The following LIN52 variants were observed in gnomAD, a reference collection of about 807,000 sequenced individuals.
The protein encoded by LIN52 is protein lin-52 homolog.
Under a neutral mutation model 18.5 loss-of-function variants are expected in LIN52, and 4 were observed. The ratio of observed to expected loss-of-function variants is 0.22; its 90% confidence interval spans 0.11 to 0.49. The LOEUF (loss-of-function observed/expected upper bound fraction) is 0.49. Among genes scored for constraint, LIN52 ranks in the 20% least tolerant of loss-of-function variants. The pLI is 0.97. For synonymous variants in LIN52, 34 were observed against 45.5 expected (o/e 0.75, Z 1.02); for missense variants, 102 against 139.5 (o/e 0.73, Z 1.35).
At chr14:74,133,924 AC>A in intron 5 of LIN52, among the ~76,000 whole-genome samples, 1 of 152,222 alleles carries the variant, frequency 6.6e-6, no homozygotes, top group African/African-American at 2.4e-5. Flanking sequence ...ATCAGCATTT[AC>A]ACATGACCCA....
intron 5 of LIN52, among the ~76,000 whole-genome samples, chr14:74,116,476 T>C (rs1451857211): frequency 6.6e-6 from 1 of 151,928 alleles, no homozygotes; most frequent in Non-Finnish European, 1.5e-5. Flanking sequence ...GAGGCTGAGG[T>C]AGGCGGATCA....
intron 5 of LIN52, among the ~76,000 whole-genome samples, chr14:74,138,134 A>AC (rs776591484): frequency 2.6e-5 from 4 of 152,198 alleles, no homozygotes; most frequent in Non-Finnish European, 5.9e-5. Flanking sequence ...ACTTGGCCTT[A>AC]CAGCTCTGCC....
chr14:74,095,564 C>G (rs1325993912), intron 2 of LIN52, among the ~76,000 whole-genome samples: 1 of 152,132 alleles, frequency 6.6e-6, no homozygotes, highest in Admixed American at 6.6e-5. Context: ...TAATGTGATT[C>G]TTTCTGTGAG....
chr14:74,087,251 T>TA (rs539710136), intron 1 of LIN52, among the ~76,000 whole-genome samples: 11 of 150,402 alleles, frequency 7.3e-5, no homozygotes, highest in Non-Finnish European at 1.3e-4. Flanking sequence ...CTGTCTCTAC[T>TA]AAAAAATACA....
intron 1 of LIN52, chr14:74,085,693 C>T (rs1340978688): frequency 6.9e-6 from 1 of 144,948 alleles, no homozygotes; most frequent in Admixed American, 6.8e-5. Flanking sequence ...AAATGCAAGT[C>T]ATTTCAAGTA....
chr14:74,163,806 A>C (rs942947158), intron 5 of LIN52, among the ~76,000 whole-genome samples: 1 of 152,204 alleles, frequency 6.6e-6, no homozygotes, highest in Admixed American at 6.5e-5. Flanking sequence ...TTGGTGGTAC[A>C]GGTGAAGGAG....
chr14:74,088,380 C>T (rs2060749646), intron 1 of LIN52, among the ~76,000 whole-genome samples: 1 of 152,106 alleles, frequency 6.6e-6, no homozygotes, highest in Non-Finnish European at 1.5e-5. Context: ...CGTGAGCCAC[C>T]ATGCCCCCAC....
chr14:74,191,670 G>A (rs2078877284), intron 5 of LIN52, among the ~76,000 whole-genome samples: 1 of 140,338 alleles, frequency 7.1e-6, no homozygotes, highest in Non-Finnish European at 1.5e-5. Flanking sequence ...GCCTTGCTCT[G>A]TCGTCCAGGC....
chr14:74,142,711 T>C (rs2061136726), intron 5 of LIN52, among the ~76,000 whole-genome samples: 1 of 151,524 alleles, frequency 6.6e-6, no homozygotes, highest in African/African-American at 2.4e-5. Context: ...TTGTATTCTC[T>C]GAGCTAAGAA....
intron 5 of LIN52, among the ~76,000 whole-genome samples, chr14:74,119,520 G>T (rs976699717): frequency 6.6e-6 from 1 of 151,984 alleles, no homozygotes; most frequent in African/African-American, 2.4e-5. Flanking sequence ...AGATCATAGG[G>T]GTATATGTAT....
chr14:74,149,022 A>G (rs2061165081), intron 5 of LIN52, among the ~76,000 whole-genome samples: 1 of 152,178 alleles, frequency 6.6e-6, no homozygotes, highest in Non-Finnish European at 1.5e-5. Context: ...TTAATTTTTA[A>G]AATATTTTGG....
In LIN52 at chr14:74,096,931, G is replaced by C. The variant is rs1216029936; in HGVS notation, c.133-863G>C. ...ACTAGCATTAAACTGCCAACCCAGA[G>C]CTATTCTAAGAATGGGCTTTCTTTC... On this transcript the variant is annotated intron_variant, in intron 3 of 5. Transcript: ENST00000555028. Among the ~76,000 whole-genome samples, 3 of 152,134 alleles carry C rather than the reference G, an allele frequency of 2.0e-5. No homozygotes were observed. The East Asian group carries it at 5.8e-4, about 29-fold the overall frequency.
intron 5 of LIN52, among the ~76,000 whole-genome samples, chr14:74,178,355 A>G (rs543789122): frequency 1.3e-5 from 2 of 152,246 alleles, no homozygotes; most frequent in East Asian, 3.9e-4. Context: ...TCTTTTGGCC[A>G]TTGACTCAAT....
intron 5 of LIN52, among the ~76,000 whole-genome samples, chr14:74,109,327 A>G (rs2060913966): frequency 6.6e-6 from 1 of 152,202 alleles, no homozygotes. Context: ...CTACAAAAAG[A>G]TTAAAAATTA....
At chr14:74,110,766 C>T (rs180824981) in intron 5 of LIN52, among the ~76,000 whole-genome samples, 1 of 151,930 alleles carries the variant, frequency 6.6e-6, no homozygotes, top group East Asian at 1.9e-4. Context: ...AGATCGAGAC[C>T]ATCCTGGCTA....
chr14:74,126,485 G>T (rs184941795), intron 5 of LIN52, among the ~76,000 whole-genome samples: 189 of 152,260 alleles, frequency 1.2e-3, no homozygotes, highest in Non-Finnish European at 2.2e-3. Flanking sequence ...AACAACCCAA[G>T]TGTCCATCAA....
At chr14:74,181,804 T>C (rs537812380) in intron 5 of LIN52, among the ~76,000 whole-genome samples, 1 of 152,306 alleles carries the variant, frequency 6.6e-6, no homozygotes, top group East Asian at 1.9e-4. Context: ...AGCGGTTATT[T>C]CTAATCACAG....
At position 74,182,416 on chromosome 14, in the gene LIN52, T is replaced by A. The variant is rs953665257; in HGVS notation, c.284-16506T>A. On this transcript the variant is annotated intron_variant, in intron 5 of 5. Transcript: ENST00000555028. ...GGTTGAGAAAATAAGCCATATTTATTGAAACCACAATGCAAACAATTAAAA... is the reference window on the plus strand; with the variant it reads ...GGTTGAGAAAATAAGCCATATTTATAGAAACCACAATGCAAACAATTAAAA... Among the ~76,000 whole-genome samples the A allele has an allele frequency of 2.3e-5, 3 of 131,248 alleles. No individual in the cohort carries two copies. The South Asian group carries it at 7.2e-4, about 32-fold the overall frequency. 86.1% of individuals were successfully genotyped at this position (131,248 alleles called of 152,430 possible).
At position 74,097,836 on chromosome 14, in the gene LIN52, C is replaced by T. The variant is rs1227181611; in HGVS notation, c.175C>T (p.Arg59Cys). Reference sequence around the variant, plus strand: ...ACCCAAATGGATGGCTGAGATAGAACGTGATGACATCGACATGTTGAAAGG... The same window carrying T: ...ACCCAAATGGATGGCTGAGATAGAATGTGATGACATCGACATGTTGAAAGG... ...SPPKWMAEIE[R>C]DDIDMLKELG... Residue 59 changes from arginine (R) to cysteine (C), a missense_variant, in exon 4 of 6, where the codon CGT becomes TGT. Coordinates refer to ENST00000555028, the MANE Select transcript of LIN52 (RefSeq NM_001024674.3). 11 of 1,612,986 alleles carry T rather than the reference C, an allele frequency of 6.8e-6. No individual in the cohort carries two copies. The Admixed American group carries it at 1.0e-4, about 15-fold the overall frequency.
Sources: gnomAD v4.1 joint callset for allele counts (sites outside exome capture counted in the v4.1 genomes callset) on GRCh38, gnomAD v4.1.1 for gene constraint, MANE v1.5 for transcripts, NCBI Gene and HGNC (gene_info 2026-07-23, HGNC 2026-07-21) for gene names.